Variants in CCDC25 observed in about 807,000 individuals in gnomAD.
CCDC25 encodes the protein coiled-coil domain-containing protein 25.
A neutral mutation model predicts 35.3 loss-of-function variants in CCDC25; 16 were observed. That is an observed-to-expected ratio of 0.45 (90% CI 0.31 to 0.69). The LOEUF (loss-of-function observed/expected upper bound fraction) is 0.69, where lower values mean the gene tolerates loss of function less well. Ranked by LOEUF, CCDC25 falls within the 30% of genes least tolerant of loss-of-function variation. The probability of loss-of-function intolerance (pLI) is 0.06; values close to 1 mark genes in which losing one functional copy is unlikely to be tolerated. For missense variants in CCDC25, 179 were observed against 250.7 expected, an observed-to-expected ratio of 0.71 and a Z score of 1.93; for synonymous variants, 79 against 80.3, an observed-to-expected ratio of 0.98 and a Z score of 0.09.
chr8:27,736,317 T>TA (rs1803223002), intron 8 of CCDC25, 72 bp from the exon 9 acceptor site: 2 of 1,259,174 alleles, frequency 1.6e-6, no homozygotes, highest in East Asian at 2.4e-5. Context: ...ACAATTATCT[T>TA]AATTAGCGAG....
chr8:27,737,884 T>TCACA lies in CCDC25; in HGVS notation c.598-1643_598-1640dup, dbSNP rs141212043. On this transcript the variant is annotated intron_variant, in intron 8 of 8. Coordinates refer to ENST00000356537, the MANE Select transcript of CCDC25 (RefSeq NM_018246.3). This position sits in a 1 kb window ranked among gnomAD's most constrained non-coding sequence, Gnocchi z 4.6. ...AACTGTGGTGTGTGTATACACACAC[T>TCACA]CACACACACACACACACACACACAC... Among the ~76,000 whole-genome samples the TCACA allele has an allele frequency of 0.21, 31,548 of 148,252 alleles. 3,709 individuals are homozygous for TCACA. Among genetic ancestry groups the TCACA allele is most frequent in the South Asian group, 0.32 (1,484 of 4,698 alleles).
intron 1 of CCDC25, among the ~76,000 whole-genome samples, chr8:27,769,262 T>C (rs755291863): frequency 6.6e-6 from 1 of 152,148 alleles, no homozygotes; most frequent in Non-Finnish European, 1.5e-5. Flanking sequence ...GGCCAAATAT[T>C]TTTCTAACAG....
At chr8:27,755,354 CAG>C (rs1803962644) in intron 4 of CCDC25, among the ~76,000 whole-genome samples, 1 of 152,198 alleles carries the variant, frequency 6.6e-6, no homozygotes, top group African/African-American at 2.4e-5. Flanking sequence ...GCAACAATAT[CAG>C]AGTAAAATAA....
rs762006688 is a variant in CCDC25 at position 27,762,421 on chromosome 8, G to T, written c.114C>A (p.Ile38=). The part of the protein sequence containing the change: ...DLIKHGWPED[I]WFHVDKLSSA... ...GCAGAACCAAAATTGTTACTTACCAGATATCTTCAGGCCAGCCATGCTTGA... is the reference window on the plus strand; with the variant it reads ...GCAGAACCAAAATTGTTACTTACCATATATCTTCAGGCCAGCCATGCTTGA... The change falls in exon 3 of 9, where the codon ATC becomes ATA. Residue 38 remains isoleucine (I), a splice_region_variant and synonymous_variant. Transcript: ENST00000356537. 12 of 1,613,156 alleles carry T rather than the reference G, an allele frequency of 7.4e-6. No homozygotes were observed. Among genetic ancestry groups the T allele is most frequent in the East Asian group, 2.2e-5 (1 of 44,804 alleles).
chr8:27,748,436 G>C, intron 6 of CCDC25, 59 bp downstream of exon 6: 1 of 1,387,930 alleles, frequency 7.2e-7, no homozygotes, highest in East Asian at 2.3e-5. Flanking sequence ...AGACAGAAAA[G>C]ATAGGATACT....
chr8:27,739,405 A>G (rs998981730), intron 8 of CCDC25, among the ~76,000 whole-genome samples: 3 of 152,212 alleles, frequency 2.0e-5, no homozygotes, highest in Non-Finnish European at 2.9e-5. Context: ...AGGTTTGACT[A>G]GATGACTTGT....
intron 1 of CCDC25, chr8:27,771,824 T>C (rs1211840691): frequency 6.6e-6 from 1 of 152,094 alleles, no homozygotes; most frequent in Non-Finnish European, 1.5e-5. Context: ...CTTAAGGGAA[T>C]TAGCTGGGGG....
intron 4 of CCDC25, 74 bp downstream of exon 4, chr8:27,756,645 T>C (rs1804014345): frequency 9.6e-7 from 1 of 1,037,202 alleles, no homozygotes; most frequent in South Asian, 1.3e-5. Flanking sequence ...AGCAATTTAA[T>C]TGCAAAGGAT....
intron 5 of CCDC25, among the ~76,000 whole-genome samples, chr8:27,750,888 C>T (rs904140557): frequency 2.6e-5 from 4 of 152,098 alleles, no homozygotes; most frequent in African/African-American, 7.2e-5. Context: ...GATGGTAAAC[C>T]GGGGGAAAAC....
intron 7 of CCDC25, among the ~76,000 whole-genome samples, chr8:27,742,857 A>G (rs1400746767): frequency 6.6e-6 from 1 of 152,168 alleles, no homozygotes; most frequent in Non-Finnish European, 1.5e-5. Flanking sequence ...ACAGAGTGAG[A>G]CTCAGTCTCA....
At chr8:27,772,396 A>C in intron 1 of CCDC25, 117 bp downstream of exon 1, 1 of 975,390 alleles carries the variant, frequency 1.0e-6, no homozygotes, top group Non-Finnish European at 1.6e-6. Flanking sequence ...CCGCGGGAAG[A>C]GGCACTCGCA....
chr8:27,765,618 CTTT>C (rs906321957), intron 1 of CCDC25, among the ~76,000 whole-genome samples: 7 of 124,092 alleles, frequency 5.6e-5, no homozygotes, highest in South Asian at 2.8e-4. Context: ...CTTTTGCCTT[CTTT>C]AAGAGTTAAA....
rs1803177504 is a variant in CCDC25 at position 27,735,179 on chromosome 8, G to A, written c.*1037C>T. ...ATTTTCTATACCCTCTCAAAATTTG[G>A]CCAGTGAGTTTTGCCTCAGGGAATT... is the stretch of plus-strand genomic sequence containing the variant. On this transcript the variant is annotated 3_prime_UTR_variant, in exon 9 of 9. Transcript: ENST00000356537. The A allele has an allele frequency of 6.6e-6, 1 of 152,470 alleles. No homozygotes were observed. The highest frequency in any genetic ancestry group is 1.5e-5 in the Non-Finnish European group (1 of 68,020). 9.4% of individuals were successfully genotyped at this position (152,470 alleles called of 1,614,324 possible). A position where few individuals can be genotyped will look rare whatever the true frequency, so the allele number is the denominator to read the frequency against.
intron 7 of CCDC25, among the ~76,000 whole-genome samples, chr8:27,740,983 G>C (rs1407482078): frequency 6.6e-6 from 1 of 152,162 alleles, no homozygotes; most frequent in Non-Finnish European, 1.5e-5. Context: ...AATCAAGTGG[G>C]CAGGATGAGT....
intron 5 of CCDC25, among the ~76,000 whole-genome samples, chr8:27,750,615 G>T (rs1803765346): frequency 6.6e-6 from 1 of 152,212 alleles, no homozygotes; most frequent in African/African-American, 2.4e-5. Context: ...ATTGGCTTTG[G>T]CTGTAGTGTG....
At position 27,756,700 on chromosome 8, in the gene CCDC25, C is replaced by T; in HGVS notation, c.168+19G>A. 1 of 1,574,272 alleles carries T rather than the reference C, an allele frequency of 6.4e-7. No homozygotes were observed. The highest frequency in any genetic ancestry group is 8.7e-7 in the Non-Finnish European group (1 of 1,143,994). On this transcript the variant is annotated intron_variant, in intron 4 of 8. Coordinates refer to ENST00000356537, the MANE Select transcript of CCDC25 (RefSeq NM_018246.3). ...ATCATCAGGAGAAAAGTCAAGAATC[C>T]ATGTTTAAATTCAGTTACCTTATGT...
chr8:27,734,166 A>G lies in CCDC25; in HGVS notation c.*2050T>C, dbSNP rs1289505170. The G allele has an allele frequency of 6.6e-6, 1 of 152,224 alleles. No homozygotes were observed. The highest frequency in any genetic ancestry group is 1.5e-5 in the Non-Finnish European group (1 of 68,040). 9.4% of individuals were successfully genotyped at this position (152,224 alleles called of 1,614,324 possible). ...ACTTCTCAATATTTGTTCTAGCCCA[A>G]CCACGGTGACAAAGCTCCCTTGCCC... On this transcript the variant is annotated 3_prime_UTR_variant, in exon 9 of 9. Coordinates refer to ENST00000356537, the MANE Select transcript of CCDC25 (RefSeq NM_018246.3).
At chr8:27,755,175 C>A (rs990788750) in intron 4 of CCDC25, among the ~76,000 whole-genome samples, 1 of 152,158 alleles carries the variant, frequency 6.6e-6, no homozygotes, top group Admixed American at 6.5e-5. Flanking sequence ...AACCAGGGTT[C>A]CTTGGAGAAA....
intron 7 of CCDC25, among the ~76,000 whole-genome samples, chr8:27,742,949 A>G (rs1482262934): frequency 1.3e-5 from 2 of 152,186 alleles, no homozygotes; most frequent in Non-Finnish European, 2.9e-5. Context: ...CATTAGTCCA[A>G]CTACCTCCCT....
Sources: gnomAD v4.1 joint callset for allele counts (sites outside exome capture counted in the v4.1 genomes callset) on GRCh38, gnomAD v4.1.1 for gene constraint, Gnocchi (gnomAD v3.1) non-coding constraint, MANE v1.5 for transcripts, NCBI Gene and HGNC (gene_info 2026-07-23, HGNC 2026-07-21) for gene names.